The following MIS18BP1 variants were observed in gnomAD, a reference collection of about 807,000 sequenced individuals.
The protein encoded by MIS18BP1 is mis18-binding protein 1.
Under a neutral mutation model 116.1 loss-of-function variants are expected in MIS18BP1, and 72 were observed. The ratio of observed to expected loss-of-function variants is 0.62; its 90% confidence interval spans 0.51 to 0.75. MIS18BP1 has a LOEUF of 0.75. MIS18BP1 is among the 30% of genes least tolerant of loss of function. The probability of loss-of-function intolerance (pLI) is 0.00; values close to 1 mark genes in which losing one functional copy is unlikely to be tolerated. For missense variants in MIS18BP1, 1,363 were observed against 1,303.2 expected (o/e 1.05, Z -0.71); for synonymous variants, 386 against 427.0 (o/e 0.90, Z 1.18).
intron 12 of MIS18BP1, 64 bp from the exon 13 acceptor site, chr14:45,217,243 TAAC>T: frequency 2.0e-6 from 3 of 1,530,734 alleles, no homozygotes; most frequent in Non-Finnish European, 2.7e-6. Context: ...TCTATAAAGT[TAAC>T]AACCTTTGCA....
At chr14:45,217,430 T>A (rs1405745822) in intron 12 of MIS18BP1, among the ~76,000 whole-genome samples, 1 of 151,906 alleles carries the variant, frequency 6.6e-6, no homozygotes, top group African/African-American at 2.4e-5. Flanking sequence ...TCTAAAAAAA[T>A]ACAGATATAG....
At chr14:45,214,137 C>T (rs1890749537) in intron 13 of MIS18BP1, among the ~76,000 whole-genome samples, 1 of 152,176 alleles carries the variant, frequency 6.6e-6, no homozygotes, top group South Asian at 2.1e-4. Context: ...GCCCCACACC[C>T]ATAAAGGGTC....
intron 14 of MIS18BP1, among the ~76,000 whole-genome samples, chr14:45,209,399 C>T (rs904459359): frequency 1.3e-5 from 2 of 152,030 alleles, no homozygotes; most frequent in African/African-American, 4.8e-5. Flanking sequence ...GCAATCACAG[C>T]TCACTGCAGC....
intron 9 of MIS18BP1, 114 bp downstream of exon 9, chr14:45,227,549 G>GA (rs200663824): frequency 0.23 from 146,297 of 640,486 alleles, 15 homozygotes; most frequent in Middle Eastern, 0.26. Flanking sequence ...CATCTCAAAA[G>GA]AAAAAAAAAA....
chr14:45,251,614 A>G (rs1302022032), intron 1 of MIS18BP1, among the ~76,000 whole-genome samples: 2 of 152,232 alleles, frequency 1.3e-5, no homozygotes, highest in African/African-American at 2.4e-5. Flanking sequence ...TTAAGTTAAC[A>G]GGCAAATGAT....
At chr14:45,215,888 T>G (rs1326228257) in intron 13 of MIS18BP1, among the ~76,000 whole-genome samples, 1 of 151,784 alleles carries the variant, frequency 6.6e-6, no homozygotes, top group Non-Finnish European at 1.5e-5. Flanking sequence ...GTCTTTTTAG[T>G]AGAGACGAGC....
chr14:45,251,065 C>A (rs1449957031), intron 1 of MIS18BP1, among the ~76,000 whole-genome samples: 1 of 150,002 alleles, frequency 6.7e-6, no homozygotes, highest in African/African-American at 2.4e-5. Flanking sequence ...AAAGGGCTGG[C>A]CATAAGCATT....
At chr14:45,237,502 T>A (rs934757667) in intron 5 of MIS18BP1, 146 bp downstream of exon 5, 20 of 891,198 alleles carry the variant, frequency 2.2e-5, no homozygotes, top group African/African-American at 2.0e-4. Flanking sequence ...GGCTAGGACC[T>A]GCACAGTAAT....
intron 15 of MIS18BP1, among the ~76,000 whole-genome samples, chr14:45,205,751 A>G (rs892445909): frequency 4.6e-5 from 7 of 152,248 alleles, no homozygotes; most frequent in African/African-American, 1.7e-4. Flanking sequence ...ATTATTCTTC[A>G]ATCCTTGAAC....
At chr14:45,223,881 C>G (rs746690230) in intron 11 of MIS18BP1, 37 bp downstream of exon 11, 50 of 1,435,950 alleles carry the variant, frequency 3.5e-5, no homozygotes, top group Non-Finnish European at 3.7e-6. Flanking sequence ...CTTGTGGCTG[C>G]TCTGTAGATA....
chr14:45,208,737 A>C (rs1035591278), intron 14 of MIS18BP1, among the ~76,000 whole-genome samples: 1 of 152,172 alleles, frequency 6.6e-6, no homozygotes, highest in Non-Finnish European at 1.5e-5. Flanking sequence ...AAATACTAAA[A>C]ATAATTTTTA....
At chr14:45,234,242 T>C (rs1486851258) in intron 6 of MIS18BP1, among the ~76,000 whole-genome samples, 1 of 148,812 alleles carries the variant, frequency 6.7e-6, no homozygotes, top group Admixed American at 6.7e-5. Context: ...AAAAAGAAAA[T>C]TCAAGAGAAA....
intron 13 of MIS18BP1, among the ~76,000 whole-genome samples, chr14:45,214,476 A>G (rs750911624): frequency 3.9e-5 from 6 of 152,074 alleles, no homozygotes; most frequent in Non-Finnish European, 8.8e-5. Context: ...CCCCTCTCTG[A>G]GATGGTAGAG....
At chr14:45,204,332 A>G in intron 16 of MIS18BP1, 67 bp downstream of exon 16, 1 of 1,538,910 alleles carries the variant, frequency 6.5e-7, no homozygotes, top group South Asian at 1.2e-5. Flanking sequence ...TAATTTTAAT[A>G]CCATTTAAAT....
intron 11 of MIS18BP1, among the ~76,000 whole-genome samples, chr14:45,221,045 G>A (rs1201755791): frequency 6.6e-6 from 1 of 152,104 alleles, no homozygotes; most frequent in Non-Finnish European, 1.5e-5. Flanking sequence ...TGAGGCAGGA[G>A]AATTGCTTAA....
intron 1 of MIS18BP1, chr14:45,250,184 G>A (rs1176452448): frequency 4.6e-5 from 7 of 152,116 alleles, no homozygotes; most frequent in Non-Finnish European, 1.5e-5. Flanking sequence ...CCAAGATTCT[G>A]AAAAAATCCT....
chr14:45,233,123 A>G (rs1241630747), intron 6 of MIS18BP1, among the ~76,000 whole-genome samples: 1 of 152,234 alleles, frequency 6.6e-6, no homozygotes, highest in East Asian at 1.9e-4. Context: ...AGGGGTGAAC[A>G]GCAATTTAAA....
chr14:45,220,128 T>C (rs1890934007), intron 11 of MIS18BP1, among the ~76,000 whole-genome samples: 1 of 151,930 alleles, frequency 6.6e-6, no homozygotes, highest in African/African-American at 2.4e-5. Context: ...AGACAGGGTC[T>C]CAATCTGTCA....
At chr14:45,211,297 A>C (rs1230865153) in intron 13 of MIS18BP1, among the ~76,000 whole-genome samples, 4 of 152,168 alleles carry the variant, frequency 2.6e-5, no homozygotes, top group Admixed American at 2.6e-4. Flanking sequence ...TTCTCTCCCC[A>C]GTCAAGGCCA....
Sources: gnomAD v4.1 joint callset for allele counts (sites outside exome capture counted in the v4.1 genomes callset) on GRCh38, gnomAD v4.1.1 for gene constraint, MANE v1.5 for transcripts, NCBI Gene and HGNC (gene_info 2026-07-23, HGNC 2026-07-21) for gene names.